The following LRRC1 variants were observed in gnomAD, a reference collection of about 807,000 sequenced individuals.
LRRC1 encodes the protein leucine-rich repeat-containing protein 1.
LRRC1 carries 28 observed loss-of-function variants against 69.9 expected under a neutral mutation model. The ratio of observed to expected loss-of-function variants is 0.40; its 90% confidence interval spans 0.30 to 0.55. LRRC1 has a LOEUF of 0.55. Among genes scored for constraint, LRRC1 ranks in the 20% least tolerant of loss-of-function variants. The probability of loss-of-function intolerance (pLI) is 0.47; values close to 1 mark genes in which losing one functional copy is unlikely to be tolerated. For missense variants in LRRC1, 498 were observed against 609.0 expected (o/e 0.82, Z 1.92); for synonymous variants, 236 against 240.2 (o/e 0.98, Z 0.16).
chr6:53,838,946 T>A (rs1765687377), intron 1 of LRRC1, among the ~76,000 whole-genome samples: 1 of 152,204 alleles, frequency 6.6e-6, no homozygotes, highest in Admixed American at 6.5e-5. Context: ...TTTTCTTCTT[T>A]GTTCTCTTCC....
rs568614100 is a variant in LRRC1 at position 53,921,935 on chromosome 6, T to C, written c.1417-700T>C. 2.0e-5 allele frequency among the ~76,000 whole-genome samples: 3 copies of C among 152,354 alleles called. No homozygotes were observed. In the East Asian group the frequency reaches 5.8e-4, roughly 29 times the overall value. On this transcript the variant is annotated intron_variant, in intron 13 of 13. Coordinates refer to ENST00000370888, the MANE Select transcript of LRRC1 (RefSeq NM_018214.5). ...GACTTCATTGCCTCTTCCAGTATTT[T>C]GTTAACCTAGTTTGGTTCCCCCTAA...
chr6:53,836,519 C>T (rs185087082), intron 1 of LRRC1, among the ~76,000 whole-genome samples: 1 of 152,130 alleles, frequency 6.6e-6, no homozygotes, highest in African/African-American at 2.4e-5. Flanking sequence ...TCTCCCTCCT[C>T]CTCTAGATCT....
At chr6:53,902,113 C>T (rs896364653) in intron 8 of LRRC1, among the ~76,000 whole-genome samples, 20 of 152,170 alleles carry the variant, frequency 1.3e-4, no homozygotes, top group Non-Finnish European at 1.9e-4. Context: ...ATCACCAGGA[C>T]GTCAAGTCTT....
intron 2 of LRRC1, among the ~76,000 whole-genome samples, chr6:53,856,955 G>T (rs1766328521): frequency 6.6e-6 from 1 of 152,166 alleles, no homozygotes; most frequent in African/African-American, 2.4e-5. Flanking sequence ...TTTGGGTCTG[G>T]ATAAGTTCCC....
chr6:53,883,020 G>T (rs1341320542), intron 4 of LRRC1, 44 bp downstream of exon 4: 1 of 1,226,482 alleles, frequency 8.2e-7, no homozygotes, highest in Non-Finnish European at 1.2e-6. Flanking sequence ...GTGAAAGGGG[G>T]TTTATATCAT....
rs71558841 is a variant in LRRC1 at position 53,917,694 on chromosome 6, A to G, written c.1107-1804A>G. On this transcript the variant is annotated intron_variant, in intron 11 of 13. Transcript: ENST00000370888. ...AAGACAGGTAGAGATGTTGACTGTA[A>G]GTGTCTTGCCCAAGACTTGAAACTT... 5.6e-3 allele frequency among the ~76,000 whole-genome samples: 852 copies of G among 152,244 alleles called. 5 individuals are homozygous for G. Among genetic ancestry groups the G allele is most frequent in the Non-Finnish European group, 6.6e-3 (450 of 68,034 alleles).
At chr6:53,814,086 C>T (rs192198131) in intron 1 of LRRC1, among the ~76,000 whole-genome samples, 24 of 152,272 alleles carry the variant, frequency 1.6e-4, no homozygotes, top group Admixed American at 1.6e-3. Flanking sequence ...TCTCTACTCC[C>T]TTTTCTCTTC....
chr6:53,869,576 A>C (rs1406506712), intron 2 of LRRC1, among the ~76,000 whole-genome samples: 2 of 152,212 alleles, frequency 1.3e-5, no homozygotes, highest in East Asian at 3.8e-4. Context: ...ATGTTCTGAT[A>C]CAGTCTTTGT....
chr6:53,913,703 A>G, intron 10 of LRRC1, 151 bp from the exon 11 acceptor site: 1 of 444,892 alleles, frequency 2.2e-6, no homozygotes, highest in Non-Finnish European at 4.0e-6. Context: ...TAAGATTTAA[A>G]TTAATGATTG....
chr6:53,806,139 T>A (rs188895211), intron 1 of LRRC1, among the ~76,000 whole-genome samples: 3 of 152,344 alleles, frequency 2.0e-5, no homozygotes, highest in African/African-American at 7.2e-5. Flanking sequence ...TCCCATCTCC[T>A]CTGTGGTCTC....
intron 1 of LRRC1, among the ~76,000 whole-genome samples, chr6:53,813,285 G>T (rs1416111982): frequency 2.0e-5 from 3 of 152,166 alleles, no homozygotes; most frequent in Non-Finnish European, 4.4e-5. Flanking sequence ...GATTGGAGGG[G>T]TGTGGTGGTC....
intron 8 of LRRC1, among the ~76,000 whole-genome samples, chr6:53,901,978 G>A (rs555188380): frequency 3.3e-5 from 5 of 152,330 alleles, no homozygotes; most frequent in Admixed American, 2.6e-4. Flanking sequence ...AATGAAGGGC[G>A]CCTGCTCTGT....
intron 1 of LRRC1, among the ~76,000 whole-genome samples, chr6:53,816,518 G>T (rs1254412650): frequency 2.0e-5 from 3 of 151,976 alleles, no homozygotes; most frequent in Non-Finnish European, 4.4e-5. Flanking sequence ...AGTGCCAAGT[G>T]ACTATAGAAA....
chr6:53,913,078 A>G (rs1327207491), intron 10 of LRRC1, among the ~76,000 whole-genome samples: 1 of 152,206 alleles, frequency 6.6e-6, no homozygotes, highest in African/African-American at 2.4e-5. Context: ...GACCAGACTC[A>G]TACAAAACTC....
At chr6:53,861,293 G>C (rs1766507067) in intron 2 of LRRC1, among the ~76,000 whole-genome samples, 1 of 151,824 alleles carries the variant, frequency 6.6e-6, no homozygotes, top group Non-Finnish European at 1.5e-5. Context: ...CAATGCCCGA[G>C]TCCTACCCCA....
At chr6:53,917,412 T>A (rs535544924) in intron 11 of LRRC1, among the ~76,000 whole-genome samples, 1 of 152,358 alleles carries the variant, frequency 6.6e-6, no homozygotes, top group South Asian at 2.1e-4. Flanking sequence ...AGGCAACTCA[T>A]TAATTTGAGT....
At chr6:53,902,447 T>A (rs1768090310) in intron 8 of LRRC1, among the ~76,000 whole-genome samples, 182 bp from the exon 9 acceptor site, 1 of 152,210 alleles carries the variant, frequency 6.6e-6, no homozygotes, top group Non-Finnish European at 1.5e-5. Flanking sequence ...CTAAACAAAT[T>A]ATTTTAACTC....
chr6:53,829,716 G>A (rs1384236478), intron 1 of LRRC1, among the ~76,000 whole-genome samples: 1 of 152,132 alleles, frequency 6.6e-6, no homozygotes, highest in Non-Finnish European at 1.5e-5. Flanking sequence ...GGAAGTGGTA[G>A]CAAAGAAGCT....
chr6:53,919,224 T>C, intron 11 of LRRC1: 2 of 112,508 alleles, frequency 1.8e-5, no homozygotes, highest in Non-Finnish European at 1.7e-5. Context: ...TGTAATTTTC[T>C]CTCTCTTTTT....
Sources: gnomAD v4.1 joint callset for allele counts (sites outside exome capture counted in the v4.1 genomes callset) on GRCh38, gnomAD v4.1.1 for gene constraint, MANE v1.5 for transcripts, NCBI Gene and HGNC (gene_info 2026-07-23, HGNC 2026-07-21) for gene names.